The following SPHKAP variants were observed in gnomAD, a reference collection of about 807,000 sequenced individuals.
SPHKAP encodes A-kinase anchor protein SPHKAP.
SPHKAP carries 67 observed loss-of-function variants against 137.5 expected under a neutral mutation model. That is an observed-to-expected ratio of 0.49 (90% CI 0.40 to 0.60). The LOEUF (loss-of-function observed/expected upper bound fraction) is 0.60, where lower values mean the gene tolerates loss of function less well. Among genes scored for constraint, SPHKAP ranks in the 20% least tolerant of loss-of-function variants. The probability of loss-of-function intolerance (pLI) is 0.00; values close to 1 mark genes in which losing one functional copy is unlikely to be tolerated. For missense variants in SPHKAP, 2,097 were observed against 2,069.3 expected, an observed-to-expected ratio of 1.01 and a Z score of -0.26; for synonymous variants, 813 against 785.3, an observed-to-expected ratio of 1.04 and a Z score of -0.59.
At chr2:228,156,155 A>G (rs1700101486) in intron 1 of SPHKAP, among the ~76,000 whole-genome samples, 1 of 152,208 alleles carries the variant, frequency 6.6e-6, no homozygotes, top group Non-Finnish European at 1.5e-5. Flanking sequence ...TTTACATGAT[A>G]ATTGCCCCCC....
At chr2:227,984,299 C>CAAAA (rs61461358) in intron 11 of SPHKAP, among the ~76,000 whole-genome samples, 18 of 52,230 alleles carry the variant, frequency 3.4e-4, no homozygotes, top group Admixed American at 6.4e-4. Context: ...GACTCCATCT[C>CAAAA]AAAAAAAAAA....
intron 2 of SPHKAP, among the ~76,000 whole-genome samples, chr2:228,111,639 C>T (rs1017856350): frequency 5.9e-5 from 9 of 152,000 alleles, no homozygotes; most frequent in African/African-American, 2.2e-4. Flanking sequence ...TAAAATTTTC[C>T]TATATGTATA....
rs1001099427 is a variant in SPHKAP, at chr2:228,090,947, T to C, written c.246+17885A>G. ...TCTTGATAAATTACCCAGTCTCAGG[T>C]ATTCCTTTATAATGACAGAAGAGCA... On this transcript the variant is annotated intron_variant, in intron 3 of 11. Transcript: ENST00000392056. Among the ~76,000 whole-genome samples the C allele has an allele frequency of 2.6e-5, 4 of 152,294 alleles. 1 individual carries two copies. Among genetic ancestry groups the C allele is most frequent in the Middle Eastern group, 6.8e-3 (2 of 294 alleles).
chr2:228,044,590 A>C (rs578238227), intron 3 of SPHKAP, among the ~76,000 whole-genome samples: 4 of 152,350 alleles, frequency 2.6e-5, no homozygotes, highest in Middle Eastern at 3.4e-3. Flanking sequence ...TTTCAAAAAA[A>C]ATGACCATTA....
chr2:228,030,391 G>A (rs899984570), intron 3 of SPHKAP, among the ~76,000 whole-genome samples: 5 of 151,356 alleles, frequency 3.3e-5, no homozygotes, highest in Non-Finnish European at 5.9e-5. Context: ...GCGCACACCT[G>A]TATTCCCAGC....
At chr2:228,102,223 G>A (rs907552520) in intron 3 of SPHKAP, among the ~76,000 whole-genome samples, 2 of 150,440 alleles carry the variant, frequency 1.3e-5, no homozygotes, top group African/African-American at 4.9e-5. Flanking sequence ...TAATACTTGA[G>A]TTTGTCAAAT....
chr2:228,145,489 A>G (rs1346400778), intron 1 of SPHKAP, among the ~76,000 whole-genome samples: 4 of 152,274 alleles, frequency 2.6e-5, no homozygotes, highest in Admixed American at 2.0e-4. Context: ...TTGGGAGGAT[A>G]AGCTTGCCCA....
chr2:228,012,163 CAAAAAAAAA>C (rs544782857), intron 7 of SPHKAP, among the ~76,000 whole-genome samples: 12 of 84,918 alleles, frequency 1.4e-4, no homozygotes, highest in Admixed American at 3.0e-4. Context: ...GACTCTACCT[CAAAAAAAAA>C]AAAAAAAAAA....
intron 3 of SPHKAP, among the ~76,000 whole-genome samples, chr2:228,074,957 GA>G (rs1163809084): frequency 6.6e-6 from 1 of 151,976 alleles, no homozygotes; most frequent in Non-Finnish European, 1.5e-5. Flanking sequence ...TTATAAAAAA[GA>G]AGGAAGAAGA....
At chr2:228,029,916 C>A (rs1475244729) in intron 3 of SPHKAP, among the ~76,000 whole-genome samples, 4 of 152,064 alleles carry the variant, frequency 2.6e-5, no homozygotes, top group Non-Finnish European at 5.9e-5. Context: ...TGGCAGAGGG[C>A]AAAGCAGAGA....
chr2:228,016,028 G>A (rs189415487), intron 7 of SPHKAP, among the ~76,000 whole-genome samples: 21 of 152,228 alleles, frequency 1.4e-4, no homozygotes, highest in South Asian at 6.2e-4. Context: ...GTAGGAAACC[G>A]TAGGAGATTA....
intron 3 of SPHKAP, among the ~76,000 whole-genome samples, chr2:228,100,720 G>T (rs1698160600): frequency 6.6e-6 from 1 of 152,048 alleles, no homozygotes; most frequent in Admixed American, 6.6e-5. Flanking sequence ...TCAACTTTTT[G>T]GTGTGCTGTT....
At chr2:228,154,510 C>CTATATATATATATATATATATATA (rs1255951798) in intron 1 of SPHKAP, among the ~76,000 whole-genome samples, 2 of 37,518 alleles carry the variant, frequency 5.3e-5, no homozygotes, top group Non-Finnish European at 9.0e-5. Flanking sequence ...CTCTCTCTCT[C>CTATATATATATATATATATATATA]TCTATATATA....
At chr2:228,062,400 C>T (rs1447957998) in intron 3 of SPHKAP, among the ~76,000 whole-genome samples, 2 of 146,510 alleles carry the variant, frequency 1.4e-5, no homozygotes, top group Non-Finnish European at 2.9e-5. Flanking sequence ...GCTGGGATTA[C>T]AGGCAGGCGT....
intron 1 of SPHKAP, among the ~76,000 whole-genome samples, chr2:228,174,829 G>A (rs1222294637): frequency 6.6e-6 from 1 of 152,036 alleles, no homozygotes; most frequent in Non-Finnish European, 1.5e-5. Flanking sequence ...ATGCAAGCTC[G>A]CATGATTAGT....
chr2:227,980,782 T>C lies in SPHKAP; in HGVS notation c.*935A>G, dbSNP rs1159455420. The stretch of plus-strand genomic sequence containing the variant: ...AACAGGCCACTGAGCTCAATGTCAA[T>C]ATGTGACTTTAGACAACAATCTCTT... On this transcript the variant is annotated 3_prime_UTR_variant, in exon 12 of 12. Transcript: ENST00000392056. 1 of 152,196 alleles carries C rather than the reference T, an allele frequency of 6.6e-6. No individual in the cohort carries two copies. The highest frequency in any genetic ancestry group is 1.9e-4 in the East Asian group (1 of 5,192). The allele number at this position is 152,196 out of a possible 1,614,324, so 9.4% of individuals were successfully genotyped here.
rs567638113 is a variant in SPHKAP, at chr2:227,995,121, AAC to A, written c.4634+386_4634+387del. ...GCCAAACAATACAACACAGTGTGGA[AAC>A]ACTTGCCTCGTGTAAACCCAGCCTG... On this transcript the variant is annotated intron_variant, in intron 8 of 11. Transcript: ENST00000392056. Among the ~76,000 whole-genome samples, 375 of 152,360 alleles carry A rather than the reference AAC, an allele frequency of 2.5e-3. 1 individual carries two copies. The highest frequency in any genetic ancestry group is 0.01 in the Middle Eastern group (3 of 294).
intron 3 of SPHKAP, among the ~76,000 whole-genome samples, chr2:228,054,762 G>A (rs1696377613): frequency 6.6e-6 from 1 of 152,136 alleles, no homozygotes; most frequent in Non-Finnish European, 1.5e-5. Flanking sequence ...ACTATTAAAT[G>A]TCTTGCCCAA....
chr2:228,180,278 G>C (rs1700864317), intron 1 of SPHKAP, among the ~76,000 whole-genome samples: 1 of 152,138 alleles, frequency 6.6e-6, no homozygotes, highest in Non-Finnish European at 1.5e-5. Flanking sequence ...AAGTGCCTGT[G>C]GAGCTGAGAA....
Sources: gnomAD v4.1 joint callset for allele counts (sites outside exome capture counted in the v4.1 genomes callset) on GRCh38, gnomAD v4.1.1 for gene constraint, MANE v1.5 for transcripts, NCBI Gene and HGNC (gene_info 2026-07-23, HGNC 2026-07-21) for gene names.